SNX29: variants seen among roughly 807,000 people sequenced by gnomAD.
The protein encoded by SNX29 is sorting nexin-29.
Under a neutral mutation model 102.1 loss-of-function variants are expected in SNX29, and 78 were observed. The ratio of observed to expected loss-of-function variants is 0.76; its 90% confidence interval spans 0.64 to 0.92. The LOEUF (loss-of-function observed/expected upper bound fraction) is 0.92, where lower values mean the gene tolerates loss of function less well. SNX29 is among the 40% of genes least tolerant of loss of function. The pLI is 0.00. For missense variants in SNX29, 1,280 were observed against 1,061.7 expected, an observed-to-expected ratio of 1.21 and a Z score of -2.86; for synonymous variants, 580 against 414.5, an observed-to-expected ratio of 1.40 and a Z score of -4.85.
At chr16:12,075,896 G>T (rs930886775) in intron 10 of SNX29, among the ~76,000 whole-genome samples, 1 of 152,220 alleles carries the variant, frequency 6.6e-6, no homozygotes, top group Non-Finnish European at 1.5e-5. Context: ...CAGCCTCGCT[G>T]CCGCCTTGCA....
intron 16 of SNX29, among the ~76,000 whole-genome samples, chr16:12,373,256 C>T (rs1856391567): frequency 6.6e-6 from 1 of 152,212 alleles, no homozygotes; most frequent in Admixed American, 6.5e-5. Context: ...CCTCAGCCTC[C>T]TGAGTAGCTG....
chr16:12,366,889 ACT>A (rs78636663), intron 16 of SNX29: 2 of 88,236 alleles, frequency 2.3e-5, no homozygotes, highest in Admixed American at 1.0e-4. Context: ...CCCCTGCCTG[ACT>A]CTCTCTCTCT....
At chr16:12,453,951 T>A (rs1437237102) in intron 18 of SNX29, among the ~76,000 whole-genome samples, 2 of 152,098 alleles carry the variant, frequency 1.3e-5, no homozygotes, top group Admixed American at 1.3e-4. Context: ...AGCCATGGGT[T>A]TTTTTTGTTG....
Position 12,569,815 on chromosome 16 carries a change from A to G in SNX29, c.*1186A>G. 4.3e-6 allele frequency: 1 copy of G among 230,446 alleles called. No homozygotes were observed. Among genetic ancestry groups the G allele is most frequent in the East Asian group, 6.2e-5 (1 of 16,224 alleles). The allele number at this position is 230,446 out of a possible 1,614,324, so 14.3% of individuals were successfully genotyped here. A position where few individuals can be genotyped will look rare whatever the true frequency, so the allele number is the denominator to read the frequency against. On this transcript the variant is annotated 3_prime_UTR_variant, in exon 21 of 21. Transcript: ENST00000566228. ...CTCAGATGCTCAGCAAAGTTGTGGC[A>G]GTTTGCATTTCTAGGGTAAACTAAC...
At chr16:12,002,510 C>T (rs1031986571) in intron 2 of SNX29, among the ~76,000 whole-genome samples, 2 of 151,640 alleles carry the variant, frequency 1.3e-5, no homozygotes, top group Non-Finnish European at 2.9e-5. Context: ...ATTGTCATTC[C>T]GCACAACCAG....
intron 16 of SNX29, among the ~76,000 whole-genome samples, chr16:12,380,015 A>G (rs972327061): frequency 2.6e-5 from 4 of 152,090 alleles, no homozygotes; most frequent in African/African-American, 9.7e-5. Flanking sequence ...ATTCTGGTAT[A>G]TGACCTCTTG....
chr16:11,982,342 G>C (rs531399459), intron 1 of SNX29, among the ~76,000 whole-genome samples: 2 of 151,796 alleles, frequency 1.3e-5, no homozygotes, highest in Admixed American at 6.6e-5. Context: ...AGTAGAACTC[G>C]TAGAGCCAGA....
intron 18 of SNX29, among the ~76,000 whole-genome samples, chr16:12,463,810 C>T (rs948206600): frequency 3.2e-4 from 43 of 133,024 alleles, no homozygotes; most frequent in African/African-American, 1.1e-3. Context: ...CACCACCTCC[C>T]GAAGTGAGTG....
chr16:12,409,997 T>C (rs2084331434), intron 18 of SNX29, among the ~76,000 whole-genome samples: 1 of 152,060 alleles, frequency 6.6e-6, no homozygotes, highest in South Asian at 2.1e-4. Flanking sequence ...GTTGTTGTTT[T>C]GTTTTGTTTT....
intron 13 of SNX29, among the ~76,000 whole-genome samples, chr16:12,148,567 T>A (rs911122453): frequency 6.6e-6 from 1 of 152,254 alleles, no homozygotes; most frequent in African/African-American, 2.4e-5. Flanking sequence ...CCTCTTATTT[T>A]GCTTAACTTT....
chr16:12,174,454 G>A lies in SNX29; in HGVS notation c.1596-25147G>A, dbSNP rs527425428. ...TTGACCTCTGCCCAAAGGAAAGGGC[G>A]AGAGAATCTAGCTGTTGCTGCCCAT... On this transcript the variant is annotated intron_variant, in intron 13 of 20. Coordinates refer to ENST00000566228, the MANE Select transcript of SNX29 (RefSeq NM_032167.5). Among the ~76,000 whole-genome samples, 9 of 152,336 alleles carry A rather than the reference G, an allele frequency of 5.9e-5. No individual in the cohort carries two copies. The South Asian group carries it at 1.2e-3, about 21-fold the overall frequency.
At chr16:12,459,245 G>T (rs1251290253) in intron 18 of SNX29, among the ~76,000 whole-genome samples, 1 of 151,102 alleles carries the variant, frequency 6.6e-6, no homozygotes, top group Non-Finnish European at 1.5e-5. Flanking sequence ...TCTCCTGTGG[G>T]GCTCACCAGC....
chr16:12,546,253 C>G (rs2077598976), intron 20 of SNX29: 1 of 152,206 alleles, frequency 6.6e-6, no homozygotes, highest in South Asian at 2.1e-4. Context: ...CTTTTCGACC[C>G]TTCGTACAAC....
At chr16:12,522,709 T>C (rs2090146151) in intron 19 of SNX29, among the ~76,000 whole-genome samples, 1 of 152,208 alleles carries the variant, frequency 6.6e-6, no homozygotes, top group East Asian at 1.9e-4. Context: ...TGTAAGTTAC[T>C]GAGGCATCCC....
intron 11 of SNX29, among the ~76,000 whole-genome samples, chr16:12,107,391 G>C (rs1203335046): frequency 1.3e-5 from 2 of 150,784 alleles, no homozygotes; most frequent in African/African-American, 4.9e-5. Context: ...TTAAGACCTG[G>C]TGCGGTGGCT....
chr16:12,293,800 A>T (rs940994427), intron 15 of SNX29, among the ~76,000 whole-genome samples: 2 of 152,192 alleles, frequency 1.3e-5, no homozygotes, highest in African/African-American at 2.4e-5. Flanking sequence ...AAAGCTGCAG[A>T]TATCTTTCTC....
chr16:12,216,506 G>C (rs936296585), intron 14 of SNX29, among the ~76,000 whole-genome samples: 1 of 152,194 alleles, frequency 6.6e-6, no homozygotes, highest in African/African-American at 2.4e-5. Context: ...ACAAGAAGTC[G>C]GGTTTGATGG....
chr16:12,120,401 T>C lies in SNX29; in HGVS notation c.1403-6232T>C, dbSNP rs139317425. 2.9e-3 allele frequency among the ~76,000 whole-genome samples: 446 copies of C among 152,344 alleles called. 1 individual carries two copies. The highest frequency in any genetic ancestry group is 0.01 in the African/African-American group (422 of 41,576). ...GAGTTATTGCACAGATCTATGTATA[T>C]ATGTGAGAGAGTGTGTGTGCGCACA... On this transcript the variant is annotated intron_variant, in intron 11 of 20. Transcript: ENST00000566228.
intron 11 of SNX29, among the ~76,000 whole-genome samples, chr16:12,113,733 G>A (rs941621806): frequency 6.6e-6 from 1 of 152,248 alleles, no homozygotes; most frequent in Non-Finnish European, 1.5e-5. Context: ...AGGGGCCATG[G>A]CAGACTCAGG....
Sources: gnomAD v4.1 joint callset for allele counts (sites outside exome capture counted in the v4.1 genomes callset) on GRCh38, gnomAD v4.1.1 for gene constraint, MANE v1.5 for transcripts, NCBI Gene and HGNC (gene_info 2026-07-23, HGNC 2026-07-21) for gene names.